FAAH2: variants seen among roughly 807,000 people sequenced by gnomAD.
FAAH2 encodes the protein fatty-acid amide hydrolase 2.
A neutral mutation model predicts 36.9 loss-of-function variants in FAAH2; 60 were observed. The ratio of observed to expected loss-of-function variants is 1.63; its 90% CI spans 1.32 to 2.02. FAAH2 has a LOEUF of 2.02. Ranked by LOEUF, FAAH2 falls within the 30% of genes most tolerant of loss-of-function variation. The pLI is 0.00. For missense variants in FAAH2, 689 were observed against 397.5 expected (o/e 1.73, Z -6.23); for synonymous variants, 214 against 143.8 (o/e 1.49, Z -3.49).
the FAAH2 span, among the ~76,000 whole-genome samples, chrX:57,160,902 C>A: frequency 8.9e-6 from 1 of 111,786 alleles, no homozygotes; most frequent in Non-Finnish European, 1.9e-5. Context: ...CTTCTGCTAG[C>A]TTTTGAATGT....
At chrX:57,262,868 C>A in the FAAH2 span, among the ~76,000 whole-genome samples, 2 of 111,198 alleles carry the variant, frequency 1.8e-5, no homozygotes, top group African/African-American at 6.5e-5. Context: ...ATTATATGAC[C>A]ATATTAATCA....
intron 2 of FAAH2, among the ~76,000 whole-genome samples, chrX:57,302,557 AT>A (rs2052403926): frequency 9.0e-6 from 1 of 110,865 alleles, no homozygotes; most frequent in African/African-American, 3.3e-5. Flanking sequence ...CTGTGGTATC[AT>A]AGAGAAGGTT....
the FAAH2 span, chrX:57,136,770 T>C: frequency 9.7e-6 from 3 of 308,026 alleles, no homozygotes; most frequent in South Asian, 1.3e-4. Flanking sequence ...CCCTCTTAAG[T>C]TCCTTTGGGC....
the FAAH2 span, among the ~76,000 whole-genome samples, chrX:57,234,594 G>C: frequency 8.9e-6 from 1 of 111,824 alleles, no homozygotes; most frequent in Admixed American, 9.6e-5. Flanking sequence ...ATGGGAGACA[G>C]TGACAGATCA....
chrX:57,240,412 G>A, the FAAH2 span, among the ~76,000 whole-genome samples: 31 of 111,713 alleles, frequency 2.8e-4, no homozygotes, highest in African/African-American at 9.4e-4. Flanking sequence ...ATGGGCCAAG[G>A]TGCTCCCTGT....
chrX:57,238,806 C>T, the FAAH2 span, among the ~76,000 whole-genome samples: 1 of 111,178 alleles, frequency 9.0e-6, no homozygotes, highest in Non-Finnish European at 1.9e-5. Context: ...CCACCCCTCA[C>T]CCTCACGTAA....
the FAAH2 span, among the ~76,000 whole-genome samples, chrX:57,200,925 C>T: frequency 1.8e-5 from 2 of 110,681 alleles, no homozygotes; most frequent in African/African-American, 3.3e-5. Flanking sequence ...AAATTACTCC[C>T]TTTGGCATTT....
chrX:57,243,523 C>T, the FAAH2 span, among the ~76,000 whole-genome samples: 1 of 111,847 alleles, frequency 8.9e-6, no homozygotes, highest in African/African-American at 3.3e-5. Flanking sequence ...GGAGGGTGCC[C>T]CTCTGGGATG....
At chrX:57,338,582 A>T (rs1235457662) in intron 4 of FAAH2, among the ~76,000 whole-genome samples, 1 of 111,622 alleles carries the variant, frequency 9.0e-6, no homozygotes, top group East Asian at 2.8e-4. Flanking sequence ...TACAAACTCA[A>T]TGTGCAAAAA....
chrX:57,154,285 GAC>G, the FAAH2 span, among the ~76,000 whole-genome samples: 1 of 47,726 alleles, frequency 2.1e-5, no homozygotes, highest in Non-Finnish European at 3.9e-5. Context: ...TTTTTTTTTT[GAC>G]ACAGTCTCAC....
At chrX:57,304,924 T>C (rs1050078757) in intron 2 of FAAH2, among the ~76,000 whole-genome samples, 16 of 111,981 alleles carry the variant, frequency 1.4e-4, no homozygotes, top group Admixed American at 1.3e-3. Context: ...GTTGGTCTTA[T>C]TATCAAAATG....
chrX:57,316,699 C>A (rs778701968), intron 3 of FAAH2, among the ~76,000 whole-genome samples: 48 of 111,536 alleles, frequency 4.3e-4, no homozygotes, highest in Non-Finnish European at 7.6e-4. Context: ...ACACTCTTAT[C>A]TTTCACCATA....
chrX:57,201,951 A>G, the FAAH2 span, among the ~76,000 whole-genome samples: 1 of 111,453 alleles, frequency 9.0e-6, no homozygotes, highest in Non-Finnish European at 1.9e-5. Context: ...ACATTTGATG[A>G]TTGCATTTTT....
At chrX:57,392,101 G>A (rs1430887992) in intron 7 of FAAH2, among the ~76,000 whole-genome samples, 4 of 111,064 alleles carry the variant, frequency 3.6e-5, no homozygotes, top group Admixed American at 9.6e-5. Flanking sequence ...TTTTTTATTT[G>A]TTTCTTAGGT....
At position 57,292,550 on chromosome X, in the gene FAAH2, A is replaced by G; in HGVS notation, c.245A>G (p.Asn82Ser). The change falls in exon 2 of 11, where the codon AAC (asparagine) becomes AGC (serine). Residue 82 changes from asparagine (N) to serine (S), a missense_variant. Physicochemically the swap from Asn to Ser is conservative, Grantham distance 46 (BLOSUM62 1). Coordinates refer to ENST00000374900, the MANE Select transcript of FAAH2 (RefSeq NM_174912.4). ...QAYINRIKDV[N>S]PMINGIVKYR... ...TATATCAACAGAATCAAGGACGTGA[A>G]CCCAATGATCAATGGAATTGTCAAG... 8.3e-7 allele frequency: 1 copy of G among 1,210,142 alleles called. No individual in the cohort carries two copies. Among genetic ancestry groups the G allele is most frequent in the Non-Finnish European group, 1.1e-6 (1 of 894,409 alleles).
chrX:57,250,610 A>G, the FAAH2 span, among the ~76,000 whole-genome samples: 1 of 111,063 alleles, frequency 9.0e-6, no homozygotes, highest in Non-Finnish European at 1.9e-5. Flanking sequence ...ACACCATGTT[A>G]TACACCATTA....
intron 7 of FAAH2, among the ~76,000 whole-genome samples, chrX:57,423,626 G>A (rs937303147): frequency 9.0e-6 from 1 of 111,229 alleles, no homozygotes; most frequent in African/African-American, 3.3e-5. Context: ...ATGCTCTTTG[G>A]CACAGCAGAG....
At chrX:57,146,171 C>T in the FAAH2 span, among the ~76,000 whole-genome samples, 1 of 110,336 alleles carries the variant, frequency 9.1e-6, no homozygotes, top group Non-Finnish European at 1.9e-5. Flanking sequence ...TGGTCTTTTT[C>T]ACAATATTGA....
At chrX:57,301,024 C>G (rs1379400831) in intron 2 of FAAH2, among the ~76,000 whole-genome samples, 4 of 110,771 alleles carry the variant, frequency 3.6e-5, no homozygotes, top group Admixed American at 1.9e-4. Context: ...GGACTGTAAA[C>G]TAGTTCAACC....
Sources: gnomAD v4.1 joint callset for allele counts (sites outside exome capture counted in the v4.1 genomes callset) on GRCh38, gnomAD v4.1.1 for gene constraint, MANE v1.5 for transcripts, NCBI Gene and HGNC (gene_info 2026-07-23, HGNC 2026-07-21) for gene names.